Variants in SLC12A1 observed in about 807,000 individuals in gnomAD.
SLC12A1 encodes the protein solute carrier family 12 member 1, also known as Na-K-2Cl cotransporter.
In SLC12A1, 89 loss-of-function variants were observed where a neutral mutation model predicts 130.4. The ratio of observed to expected loss-of-function variants is 0.68; its 90% CI spans 0.58 to 0.81. SLC12A1 has a LOEUF of 0.81. SLC12A1 is among the 40% of genes least tolerant of loss of function. The pLI, the probability that SLC12A1 is intolerant of heterozygous loss-of-function variation, is 0.00. For synonymous variants in SLC12A1, 499 were observed against 460.0 expected, an observed-to-expected ratio of 1.08 and a Z score of -1.09; for missense variants, 1,310 against 1,336.4, an observed-to-expected ratio of 0.98 and a Z score of 0.31.
At position 48,283,906 on chromosome 15, in the gene SLC12A1, C is replaced by CAT. The variant is rs567551294; in HGVS notation, c.2486-1197_2486-1196dup. On this transcript the variant is annotated intron_variant, in intron 20 of 26. Transcript: ENST00000380993. ...AGAAGCCTCCTAAGTGTAGCACTGTCATATGACTGCTTTGAAAGTCTTATT... is the reference window on the plus strand; with the variant it reads ...AGAAGCCTCCTAAGTGTAGCACTGTCATATATGACTGCTTTGAAAGTCTTATT... Among the ~76,000 whole-genome samples, 175 of 152,340 alleles carry CAT rather than the reference C, an allele frequency of 1.1e-3. 2 individuals carry two copies. The highest frequency in any genetic ancestry group is 4.2e-3 in the African/African-American group (173 of 41,576).
Position 48,244,781 on chromosome 15 carries a change from G to A in SLC12A1, c.1329G>A (p.Gly443=), listed in dbSNP as rs2041558599. The A allele has an allele frequency of 6.2e-7, 1 of 1,613,904 alleles. No homozygotes were observed. Among genetic ancestry groups the A allele is most frequent in the Non-Finnish European group, 8.5e-7 (1 of 1,179,858 alleles). Residue 443 remains glycine (G), a synonymous_variant, in exon 11 of 27, where the codon GGG becomes GGA. Coordinates refer to ENST00000380993, the MANE Select transcript of SLC12A1 (RefSeq NM_000338.3). ...VGACVVRDAT[G]NMNDTIISGM... ...CCTGTGTGGTCCGAGATGCCACCGG[G>A]AACATGAATGACACCATCATTTCTG...
At chr15:48,287,095 A>G (rs1420951537) in intron 21 of SLC12A1, among the ~76,000 whole-genome samples, 1 of 152,208 alleles carries the variant, frequency 6.6e-6, no homozygotes, top group Non-Finnish European at 1.5e-5. Flanking sequence ...TCCTCTAAGC[A>G]CCAGGCTGAC....
Position 48,247,006 on chromosome 15 carries a change from A to G in SLC12A1, c.1550A>G (p.Lys517Arg). The G allele has an allele frequency of 1.2e-6, 2 of 1,612,956 alleles. No homozygotes were observed. The highest frequency in any genetic ancestry group is 1.7e-6 in the Non-Finnish European group (2 of 1,179,044). ...SALASLVSAP[K>R]VFQALCKDNI... The stretch of plus-strand genomic sequence containing the variant: ...CTGGCCTCCCTTGTCAGCGCACCCA[A>G]AGTGTTCCAGGTAATACAAGCACAA... Residue 517 changes from lysine to arginine, a missense_variant, in exon 12 of 27, where the codon AAA becomes AGA. Lys to Arg is a conservative substitution (Grantham distance 26). Transcript: ENST00000380993.
At chr15:48,215,019 A>AAT (rs2041103227) in intron 2 of SLC12A1, among the ~76,000 whole-genome samples, 1 of 152,082 alleles carries the variant, frequency 6.6e-6, no homozygotes, top group Admixed American at 6.5e-5. Flanking sequence ...ATAAGTAGCA[A>AAT]ATATTATCTA....
Position 48,302,985 on chromosome 15 carries a change from C to A in SLC12A1, c.*100C>A. ...TAAATCTGATCTATGGATATGCAAA[C>A]CTCTGGAGAGGATCCTACCAGATTC... On this transcript the variant is annotated 3_prime_UTR_variant, in exon 27 of 27. Transcript: ENST00000380993. 1 of 909,052 alleles carries A rather than the reference C, an allele frequency of 1.1e-6. No individual in the cohort carries two copies. The highest frequency in any genetic ancestry group is 1.6e-6 in the Non-Finnish European group (1 of 609,706). 56.3% of individuals were successfully genotyped at this position (909,052 alleles called of 1,614,324 possible).
intron 1 of SLC12A1, 41 bp from the exon 2 acceptor site, chr15:48,207,493 G>A (rs2040995550): frequency 5.5e-6 from 2 of 365,606 alleles, no homozygotes; most frequent in East Asian, 8.8e-5. Flanking sequence ...AAATATATTT[G>A]TATTACTTGG....
chr15:48,229,482 T>C (rs939812041), intron 6 of SLC12A1, among the ~76,000 whole-genome samples, 154 bp downstream of exon 6: 4 of 152,234 alleles, frequency 2.6e-5, no homozygotes, highest in African/African-American at 7.2e-5. Context: ...GATCTGGCTT[T>C]GAGTCCAGGT....
rs141629591 is a variant in SLC12A1, at chr15:48,258,903, A to G, written c.2043-297A>G. 4.9e-3 allele frequency among the ~76,000 whole-genome samples: 746 copies of G among 152,264 alleles called. 8 individuals carry two copies. Among genetic ancestry groups the G allele is most frequent in the Middle Eastern group, 0.044 (13 of 294 alleles). On this transcript the variant is annotated intron_variant, in intron 16 of 26. Transcript: ENST00000380993. Reference sequence around the variant, plus strand: ...CTGGGTCCCTCTCACAATACGTGGCAATTATGGAAGCTACAATTCAAGATG... The same window carrying G: ...CTGGGTCCCTCTCACAATACGTGGCGATTATGGAAGCTACAATTCAAGATG...
chr15:48,265,802 G>T (rs2041825797), intron 17 of SLC12A1, among the ~76,000 whole-genome samples: 1 of 152,124 alleles, frequency 6.6e-6, no homozygotes, highest in South Asian at 2.1e-4. Flanking sequence ...GGACCCCAGA[G>T]ATTGAATGTT....
chr15:48,294,440 T>C (rs2042154173), intron 24 of SLC12A1, among the ~76,000 whole-genome samples: 1 of 152,168 alleles, frequency 6.6e-6, no homozygotes, highest in Non-Finnish European at 1.5e-5. Context: ...GATTATTACT[T>C]TGTGATATTT....
rs1567299880 is a variant in SLC12A1 at position 48,208,040 on chromosome 15, T to G, written c.321T>G (p.Asp107Glu). 1 of 1,613,964 alleles carries G rather than the reference T, an allele frequency of 6.2e-7. No homozygotes were observed. ...AAACTTTTGGCCACAACACCATGGA[T>G]GCCGTTCCCAAGATAGAGTACTATC... ...YLQTFGHNTM[D>E]AVPKIEYYRN... is the part of the protein sequence containing the mutation. Residue 107 changes from aspartate (D) to glutamate (E), a missense_variant, in exon 2 of 27, where the codon GAT (aspartate) becomes GAG (glutamate). Asp to Glu is a conservative substitution (Grantham distance 45). Coordinates refer to ENST00000380993, the MANE Select transcript of SLC12A1 (RefSeq NM_000338.3).
At chr15:48,278,038 T>C (rs1179070509) in intron 20 of SLC12A1, among the ~76,000 whole-genome samples, 1 of 152,248 alleles carries the variant, frequency 6.6e-6, no homozygotes, top group Non-Finnish European at 1.5e-5. Flanking sequence ...TTTATGGACA[T>C]TTTAAATCTC....
chr15:48,280,597 T>C (rs1468873136), intron 20 of SLC12A1, among the ~76,000 whole-genome samples: 1 of 152,170 alleles, frequency 6.6e-6, no homozygotes. Context: ...TTATAAACTA[T>C]GACATACTAC....
At chr15:48,270,600 T>C (rs1233779447) in intron 19 of SLC12A1, among the ~76,000 whole-genome samples, 2 of 144,608 alleles carry the variant, frequency 1.4e-5, no homozygotes. Context: ...ACAAGTATTA[T>C]ATATTTTATA....
chr15:48,303,146 A>G lies in SLC12A1; in HGVS notation c.*261A>G. The G allele has an allele frequency of 3.6e-6, 1 of 276,440 alleles. No homozygotes were observed. Among genetic ancestry groups the G allele is most frequent in the Non-Finnish European group, 6.7e-6 (1 of 148,828 alleles). The allele number at this position is 276,440 out of a possible 1,614,324, so 17.1% of individuals were successfully genotyped here. ...GTTGATAAACAAGAAAATCAAGGAA[A>G]CTCATGTTGGCTTATGCTCATGAAA... On this transcript the variant is annotated 3_prime_UTR_variant, in exon 27 of 27. Coordinates refer to ENST00000380993, the MANE Select transcript of SLC12A1 (RefSeq NM_000338.3).
Position 48,237,301 on chromosome 15 carries a change from AG to A in SLC12A1, c.1215+2298del, listed in dbSNP as rs568704354. On this transcript the variant is annotated intron_variant, in intron 9 of 26. Coordinates refer to ENST00000380993, the MANE Select transcript of SLC12A1 (RefSeq NM_000338.3). Reference sequence around the variant, plus strand: ...ATGAGAATTATTTTAAGTGCAGAGTAGTGTATGTAATCCTTCATTAATATAT... The same window carrying A: ...ATGAGAATTATTTTAAGTGCAGAGTATGTATGTAATCCTTCATTAATATAT... 5.6e-5 allele frequency: 19 copies of A among 339,406 alleles called. No individual in the cohort carries two copies. In the East Asian group the frequency reaches 9.9e-4, roughly 18 times the overall value. 21.0% of individuals were successfully genotyped at this position (339,406 alleles called of 1,614,324 possible). A position where few individuals can be genotyped will look rare whatever the true frequency, so the allele number is the denominator to read the frequency against.
At position 48,244,709 on chromosome 15, in the gene SLC12A1, C is replaced by T; in HGVS notation, c.1301-44C>T. The stretch of plus-strand genomic sequence containing the variant: ...GTTTTCAGTAGAAAACCGTAAGGGA[C>T]CAGAACTTTATAAAGAAATAACAAG... On this transcript the variant is annotated intron_variant, in intron 10 of 26. Coordinates refer to ENST00000380993, the MANE Select transcript of SLC12A1 (RefSeq NM_000338.3). The T allele has an allele frequency of 1.9e-6, 3 of 1,606,460 alleles. No homozygotes were observed. In the South Asian group the frequency reaches 3.3e-5, roughly 18 times the overall value.
intron 10 of SLC12A1, among the ~76,000 whole-genome samples, chr15:48,244,544 A>G (rs34287068): frequency 8.9e-4 from 136 of 152,316 alleles, no homozygotes; most frequent in African/African-American, 3.1e-3. Flanking sequence ...AATCTAAGTC[A>G]CACAGGGAGT....
Position 48,259,287 on chromosome 15 carries a change from T to C in SLC12A1, c.2130T>C (p.Leu710=). The part of the protein sequence containing the change: ...ITHAFTKNSG[L]CICCEVFVGP... Reference sequence around the variant, plus strand: ...ACGCCTTTACCAAGAACAGTGGCCTTTGCATCTGCTGTGAAGTCTTTGTGG... The same window carrying C: ...ACGCCTTTACCAAGAACAGTGGCCTCTGCATCTGCTGTGAAGTCTTTGTGG... Residue 710 remains leucine, a synonymous_variant, in exon 17 of 27, where the codon CTT becomes CTC. Transcript: ENST00000380993. 6.2e-7 allele frequency: 1 copy of C among 1,613,140 alleles called. No homozygotes were observed. Among genetic ancestry groups the C allele is most frequent in the Non-Finnish European group, 8.5e-7 (1 of 1,179,140 alleles).
Sources: allele counts gnomAD v4.1 joint callset (sites outside exome capture counted in the v4.1 genomes callset), GRCh38; gene constraint gnomAD v4.1.1; transcripts MANE v1.5; gene names NCBI Gene and HGNC (gene_info 2026-07-23, HGNC 2026-07-21).